The following ZNF169 variants were observed in gnomAD, a reference collection of about 807,000 sequenced individuals.
The protein encoded by ZNF169 is zinc finger protein 169.
A neutral mutation model predicts 12.0 loss-of-function variants in ZNF169; 11 were observed. The ratio of observed to expected loss-of-function variants is 0.92; its 90% confidence interval spans 0.58 to 1.52. The LOEUF (loss-of-function observed/expected upper bound fraction) is 1.52, where lower values mean the gene tolerates loss of function less well. Ranked by LOEUF, ZNF169 falls within the 40% of genes most tolerant of loss-of-function variation. ZNF169 has a pLI of 0.00. For synonymous variants in ZNF169, 302 were observed against 286.5 expected (o/e 1.05, Z -0.55); for missense variants, 722 against 744.0 (o/e 0.97, Z 0.34).
At chr9:94,265,108 A>G (rs1383146296) in intron 1 of ZNF169, among the ~76,000 whole-genome samples, 3 of 147,466 alleles carry the variant, frequency 2.0e-5, no homozygotes, top group Non-Finnish European at 4.4e-5. Context: ...AAAACCTGCC[A>G]TACAGTCTTC....
intron 1 of ZNF169, among the ~76,000 whole-genome samples, chr9:94,263,190 A>G (rs1288847956): frequency 6.6e-6 from 1 of 152,158 alleles, no homozygotes; most frequent in African/African-American, 2.4e-5. Flanking sequence ...GTTAATTCGA[A>G]CTAGGATTAT....
At chr9:94,280,176 T>C (rs140446452) in intron 2 of ZNF169, among the ~76,000 whole-genome samples, 1 of 152,230 alleles carries the variant, frequency 6.6e-6, no homozygotes, top group African/African-American at 2.4e-5. Flanking sequence ...AAATTAAAAA[T>C]GGTTTTGATC....
chr9:94,299,986 G>C lies in ZNF169; in HGVS notation c.428G>C (p.Ser143Thr). Residue 143 changes from serine (S) to threonine (T), a missense_variant, in exon 5 of 5, where the codon AGT becomes ACT. Physicochemically the swap from Ser to Thr is moderately conservative, Grantham distance 58. Coordinates refer to ENST00000395395, the MANE Select transcript of ZNF169 (RefSeq NM_194320.4). ...APRCSSEKGE[S>T]GETEGPDSSL... ...AGATGCTCTAGTGAAAAAGGAGAAA[G>C]TGGAGAGACAGAAGGCCCCGACAGC... 1 of 1,614,158 alleles carries C rather than the reference G, an allele frequency of 6.2e-7. No homozygotes were observed. The highest frequency in any genetic ancestry group is 2.2e-5 in the East Asian group (1 of 44,874).
At chr9:94,278,961 C>T in intron 2 of ZNF169, 116 bp downstream of exon 2, 3 of 991,144 alleles carry the variant, frequency 3.0e-6, no homozygotes, top group South Asian at 3.1e-5. Context: ...AGGCGTGACT[C>T]ATCTTATCTG....
intron 2 of ZNF169, among the ~76,000 whole-genome samples, chr9:94,285,065 C>T (rs1830698696): frequency 6.6e-6 from 1 of 152,002 alleles, no homozygotes; most frequent in Non-Finnish European, 1.5e-5. Context: ...AATTGGCAGT[C>T]CTGAAAAAAA....
At chr9:94,265,524 G>A (rs567823966) in intron 1 of ZNF169, among the ~76,000 whole-genome samples, 98 of 151,380 alleles carry the variant, frequency 6.5e-4, no homozygotes, top group Non-Finnish European at 1.1e-3. Flanking sequence ...AGGTTGCAGT[G>A]AGCCAAGATC....
chr9:94,293,923 T>A (rs1271592002), intron 4 of ZNF169: 2 of 152,386 alleles, frequency 1.3e-5, no homozygotes, highest in Non-Finnish European at 2.9e-5. Flanking sequence ...TTCCTGATTG[T>A]GTCCCGTTCC....
Position 94,271,718 on chromosome 9 carries a change from C to CAA in ZNF169, c.-55-7019_-55-7018dup, listed in dbSNP as rs58733917. On this transcript the variant is annotated intron_variant, in intron 1 of 4. Transcript: ENST00000395395. The stretch of plus-strand genomic sequence containing the variant: ...CTGTCGACAGGGCAAGACTCTGTCT[C>CAA]AAAAAAAAAAAAAAAAAAAAAAGTT... 2.2e-3 allele frequency among the ~76,000 whole-genome samples: 144 copies of CAA among 64,478 alleles called. 3 individuals carry two copies. Among genetic ancestry groups the CAA allele is most frequent in the Middle Eastern group, 8.2e-3 (1 of 122 alleles). 42.3% of individuals were successfully genotyped at this position (64,478 alleles called of 152,430 possible). A position where few individuals can be genotyped will look rare whatever the true frequency, so the allele number is the denominator to read the frequency against.
chr9:94,292,865 TC>T (rs1307982504), intron 3 of ZNF169, 108 bp from the exon 4 acceptor site: 1 of 910,676 alleles, frequency 1.1e-6, no homozygotes. Flanking sequence ...CCCCTGCACC[TC>T]CCTACCACCT....
At chr9:94,295,758 G>A (rs779704355) in intron 4 of ZNF169, 1 of 152,108 alleles carries the variant, frequency 6.6e-6, no homozygotes, top group African/African-American at 2.4e-5. Flanking sequence ...TCCTTTATAT[G>A]TCTAGGTCAC....
Position 94,292,579 on chromosome 9 carries a change from C to G in ZNF169, c.160+112C>G, listed in dbSNP as rs1830864322. The G allele has an allele frequency of 1.1e-5, 16 of 1,401,134 alleles. 1 individual carries two copies. In the South Asian group the frequency reaches 1.9e-4, roughly 17 times the overall value. 86.8% of individuals were successfully genotyped at this position (1,401,134 alleles called of 1,614,324 possible). ...AAAACAGTTTTTTCCCCTATTCCCC[C>G]AGAGAATGCCTGGCTTTCACAGTGC... On this transcript the variant is annotated intron_variant, in intron 3 of 4. Transcript: ENST00000395395.
intron 1 of ZNF169, among the ~76,000 whole-genome samples, chr9:94,264,385 G>C (rs928103772): frequency 1.3e-5 from 2 of 152,068 alleles, no homozygotes; most frequent in South Asian, 2.1e-4. Flanking sequence ...TGTCCACCTT[G>C]GCCCCCCAAA....
At position 94,292,685 on chromosome 9, in the gene ZNF169, T is replaced by C. The variant is rs181110937; in HGVS notation, c.160+218T>C. The C allele has an allele frequency of 3.0e-3, 2,027 of 680,196 alleles. 12 individuals are homozygous for C. Among genetic ancestry groups the C allele is most frequent in the Middle Eastern group, 6.5e-3 (16 of 2,456 alleles). The allele number at this position is 680,196 out of a possible 1,614,324, so 42.1% of individuals were successfully genotyped here. On this transcript the variant is annotated intron_variant, in intron 3 of 4. Coordinates refer to ENST00000395395, the MANE Select transcript of ZNF169 (RefSeq NM_194320.4). ...GCGTGTGGTGTGTCTGACACTGCAT[T>C]TTTCAGGCCTGTTTACCCTGGCTGG...
intron 1 of ZNF169, among the ~76,000 whole-genome samples, chr9:94,263,532 T>A (rs912351805): frequency 2.8e-4 from 41 of 144,988 alleles, no homozygotes; most frequent in Admixed American, 9.1e-4. Flanking sequence ...TTTTTTTTTT[T>A]AATCTATTCT....
intron 4 of ZNF169, chr9:94,294,569 G>A (rs762277764): frequency 1.3e-5 from 2 of 152,206 alleles, no homozygotes; most frequent in Non-Finnish European, 2.9e-5. Context: ...CCCAGCAGGA[G>A]TCTATGAGAA....
intron 4 of ZNF169, chr9:94,294,462 A>G (rs1830912721): frequency 6.6e-6 from 1 of 152,036 alleles, no homozygotes; most frequent in African/African-American, 2.4e-5. Context: ...AAAGATATAT[A>G]CTTAGGTGTG....
At chr9:94,275,721 T>C (rs1830505718) in intron 1 of ZNF169, among the ~76,000 whole-genome samples, 1 of 152,074 alleles carries the variant, frequency 6.6e-6, no homozygotes, top group East Asian at 1.9e-4. Flanking sequence ...GTTCCTGATC[T>C]TAGGGGGAAA....
rs1587691488 is a variant in ZNF169, at chr9:94,300,328, C to A, written c.770C>A (p.Thr257Asn). The A allele has an allele frequency of 5.0e-6, 8 of 1,614,124 alleles. No individual in the cohort carries two copies. Among genetic ancestry groups the A allele is most frequent in the Non-Finnish European group, 5.9e-6 (7 of 1,180,024 alleles). ...CTTATCAAGCACCAGAGGACACACA[C>A]CGGGGAGAAGCCATACCTGTGTCCT... is the stretch of plus-strand genomic sequence containing the variant. ...SDLIKHQRTH[T>N]GEKPYLCPEC... The change falls in exon 5 of 5, where the codon ACC becomes AAC. Residue 257 changes from threonine to asparagine, a missense_variant. Thr to Asn is a moderately conservative substitution (Grantham distance 65, BLOSUM62 0). Coordinates refer to ENST00000395395, the MANE Select transcript of ZNF169 (RefSeq NM_194320.4).
chr9:94,301,470 T>C lies in ZNF169; in HGVS notation c.*100T>C. On this transcript the variant is annotated 3_prime_UTR_variant, in exon 5 of 5. Transcript: ENST00000395395. ...AAAAAAAAAATGTTGCTTTCTTTCATCGATCATGAGATAGTTGATTTTTGG... is the reference window on the plus strand; with the variant it reads ...AAAAAAAAAATGTTGCTTTCTTTCACCGATCATGAGATAGTTGATTTTTGG... 8 of 1,448,722 alleles carry C rather than the reference T, an allele frequency of 5.5e-6. No individual in the cohort carries two copies. Among genetic ancestry groups the C allele is most frequent in the Non-Finnish European group, 7.3e-6 (8 of 1,098,666 alleles). The allele number at this position is 1,448,722 out of a possible 1,614,324, so 89.7% of individuals were successfully genotyped here. A position where few individuals can be genotyped will look rare whatever the true frequency, so the allele number is the denominator to read the frequency against.
Sources: gnomAD v4.1 joint callset for allele counts (sites outside exome capture counted in the v4.1 genomes callset) on GRCh38, gnomAD v4.1.1 for gene constraint, MANE v1.5 for transcripts, NCBI Gene and HGNC (gene_info 2026-07-23, HGNC 2026-07-21) for gene names.